Variants in TMPRSS6 observed in about 807,000 individuals in gnomAD.
The protein encoded by TMPRSS6 is transmembrane serine protease 6, also known as transmembrane protease serine 6.
In TMPRSS6, 67 loss-of-function variants were observed where a neutral mutation model predicts 101.5. The ratio of observed to expected loss-of-function variants is 0.66; its 90% confidence interval spans 0.54 to 0.81. TMPRSS6 has a LOEUF of 0.81. TMPRSS6 is among the 30% of genes least tolerant of loss of function. The pLI, the probability that TMPRSS6 is intolerant of heterozygous loss-of-function variation, is 0.00. For missense variants in TMPRSS6, 1,034 were observed against 1,088.7 expected, an observed-to-expected ratio of 0.95 and a Z score of 0.71; for synonymous variants, 453 against 464.9, an observed-to-expected ratio of 0.97 and a Z score of 0.33.
intron 14 of TMPRSS6, 25 bp downstream of exon 14, chr22:37,070,891 G>A: frequency 1.9e-6 from 3 of 1,606,964 alleles, no homozygotes; most frequent in Non-Finnish European, 1.7e-6. Flanking sequence ...AAGCTCCAGG[G>A]CCCCGGCAGC....
At position 37,103,084 on chromosome 22, in the gene TMPRSS6, T is replaced by A; in HGVS notation, c.202+132A>T. 1 of 931,434 alleles carries A rather than the reference T, an allele frequency of 1.1e-6. No individual in the cohort carries two copies. The highest frequency in any genetic ancestry group is 1.7e-6 in the Non-Finnish European group (1 of 594,032). The allele number at this position is 931,434 out of a possible 1,614,324, so 57.7% of individuals were successfully genotyped here. A position where few individuals can be genotyped will look rare whatever the true frequency, so the allele number is the denominator to read the frequency against. ...GGGAGGGAGACCCAGAGAACAGAAG[T>A]GACTTGCCCAAGGTCACACAGCAAT... On this transcript the variant is annotated intron_variant, in intron 2 of 17. Transcript: ENST00000676104. This position sits in a 1 kb window ranked among gnomAD's most constrained non-coding sequence, Gnocchi z 4.4.
chr22:37,085,161 G>C (rs1172805925), intron 8 of TMPRSS6, among the ~76,000 whole-genome samples: 1 of 152,222 alleles, frequency 6.6e-6, no homozygotes, highest in Admixed American at 6.5e-5. Flanking sequence ...ACCTGCACAG[G>C]CCTCACGGTG....
chr22:37,072,453 T>TGATG (rs200830764), intron 13 of TMPRSS6, among the ~76,000 whole-genome samples: 28,829 of 93,472 alleles, frequency 0.31, 5,927 homozygotes, highest in African/African-American at 0.4. Context: ...GATGGATGGA[T>TGATG]GATGGATGGA....
chr22:37,069,105 C>A lies in TMPRSS6; in HGVS notation c.2081G>T (p.Trp694Leu). ...SHFFEPGLHC[W>L]ITGWGALREG... Reference sequence around the variant, plus strand: ...GCGCAAGGCGCCCCAGCCCGTAATCCAGCAGTGCAGGCCGGGCTCGAAGAA... The same window carrying A: ...GCGCAAGGCGCCCCAGCCCGTAATCAAGCAGTGCAGGCCGGGCTCGAAGAA... The change falls in exon 16 of 18, where the codon TGG becomes TTG. Residue 694 changes from tryptophan (W) to leucine (L), a missense_variant. Transcript: ENST00000676104. This position sits in a 1 kb window ranked among gnomAD's most constrained non-coding sequence, Gnocchi z 4.8. 6.4e-7 allele frequency: 1 copy of A among 1,555,954 alleles called. No homozygotes were observed. The highest frequency in any genetic ancestry group is 2.4e-5 in the East Asian group (1 of 41,614).
In TMPRSS6 at chr22:37,101,885, A is replaced by G. The variant is rs898203616; in HGVS notation, c.202+1331T>C. Among the ~76,000 whole-genome samples the G allele has an allele frequency of 2.0e-5, 3 of 152,170 alleles. No homozygotes were observed. Among genetic ancestry groups the G allele is most frequent in the African/African-American group, 7.2e-5 (3 of 41,418 alleles). On this transcript the variant is annotated intron_variant, in intron 2 of 17. Transcript: ENST00000676104. The surrounding 1 kb of genome is among the most constrained non-coding windows in gnomAD (Gnocchi z 4.1). ...GAGGAGGCCCCCACAGCCCTGTGCT[A>G]TCTGGGGCACTGGCTTCCTGCTGGT...
In TMPRSS6 at chr22:37,069,065, C is replaced by G; in HGVS notation, c.2113+8G>C. ...CTCCGCCTCCCGCCGCAAGTCCCCG[C>G]TGCTCACCGCCCTCGCGCAAGGCGC... On this transcript the variant is annotated splice_region_variant and intron_variant, in intron 16 of 17. Transcript: ENST00000676104. The surrounding 1 kb of genome is among the most constrained non-coding windows in gnomAD (Gnocchi z 4.8). 1 of 1,538,800 alleles carries G rather than the reference C, an allele frequency of 6.5e-7. No individual in the cohort carries two copies. The highest frequency in any genetic ancestry group is 8.7e-7 in the Non-Finnish European group (1 of 1,147,940).
intron 10 of TMPRSS6, among the ~76,000 whole-genome samples, chr22:37,076,996 T>C (rs1328292254): frequency 1.3e-5 from 2 of 152,188 alleles, no homozygotes; most frequent in African/African-American, 4.8e-5. Flanking sequence ...TTCTAGAATG[T>C]GGTAAGCACT....
At chr22:37,083,537 C>CCTGT (rs1280978281) in intron 10 of TMPRSS6, among the ~76,000 whole-genome samples, 1 of 152,144 alleles carries the variant, frequency 6.6e-6, no homozygotes, top group Admixed American at 6.5e-5. Context: ...GTCCATACAC[C>CCTGT]CTGTCTCTGT....
intron 3 of TMPRSS6, among the ~76,000 whole-genome samples, chr22:37,097,809 G>T (rs1929924317): frequency 7.8e-6 from 1 of 128,942 alleles, no homozygotes; most frequent in South Asian, 2.5e-4. Context: ...TAACGGAGGG[G>T]CAGGAGCGGC....
chr22:37,106,375 G>T lies in TMPRSS6; in HGVS notation c.-1-2957C>A, dbSNP rs116586457. The stretch of plus-strand genomic sequence containing the variant: ...AGGGGCAGCTCATGGTGGGGTGCTT[G>T]GTGGGCCTCCCCTCCCCTCTCATCC... On this transcript the variant is annotated intron_variant, in intron 1 of 17. Coordinates refer to ENST00000676104, the MANE Select transcript of TMPRSS6 (RefSeq NM_001374504.1). 6.8e-3 allele frequency among the ~76,000 whole-genome samples: 1,040 copies of T among 152,188 alleles called. 7 individuals carry two copies. The highest frequency in any genetic ancestry group is 0.024 in the African/African-American group (988 of 41,510).
At chr22:37,088,601 C>T (rs1928972481) in intron 7 of TMPRSS6, among the ~76,000 whole-genome samples, 1 of 151,974 alleles carries the variant, frequency 6.6e-6, no homozygotes, top group South Asian at 2.1e-4. Flanking sequence ...AGTCCCTCCT[C>T]CCCACCCCCA....
chr22:37,102,802 G>T (rs1034194750), intron 2 of TMPRSS6, among the ~76,000 whole-genome samples: 6 of 152,140 alleles, frequency 3.9e-5, no homozygotes, highest in African/African-American at 1.4e-4. Context: ...ATTGGTACCA[G>T]GTACCATTGG....
Position 37,065,884 on chromosome 22 carries a change from C to T in TMPRSS6, c.*196G>A, listed in dbSNP as rs1926226258. The T allele has an allele frequency of 2.9e-6, 2 of 701,316 alleles. No homozygotes were observed. Among genetic ancestry groups the T allele is most frequent in the Admixed American group, 2.6e-5 (1 of 38,574 alleles). The allele number at this position is 701,316 out of a possible 1,614,324, so 43.4% of individuals were successfully genotyped here. On this transcript the variant is annotated 3_prime_UTR_variant, in exon 18 of 18. Transcript: ENST00000676104. The stretch of plus-strand genomic sequence containing the variant: ...TGGGTCCTCAGGGGACGTCTTGACC[C>T]CCAGCTGCTGGCACTTCTCCATCCT...
chr22:37,106,860 G>A (rs568984859), intron 1 of TMPRSS6, among the ~76,000 whole-genome samples: 1 of 152,188 alleles, frequency 6.6e-6, no homozygotes, highest in Non-Finnish European at 1.5e-5. Context: ...GGACTGTGGG[G>A]AACTCTTACC....
At chr22:37,108,221 G>C (rs905359329) in intron 1 of TMPRSS6, among the ~76,000 whole-genome samples, 1 of 152,154 alleles carries the variant, frequency 6.6e-6, no homozygotes, top group Admixed American at 6.5e-5. Flanking sequence ...GTCAGTGCTT[G>C]TTCACGGCCA....
chr22:37,092,231 C>G (rs560527951), intron 6 of TMPRSS6, among the ~76,000 whole-genome samples: 160 of 152,186 alleles, frequency 1.1e-3, no homozygotes, highest in African/African-American at 3.8e-3. Flanking sequence ...CCTCCCCCAG[C>G]CTTTGCCCCT....
At position 37,070,545 on chromosome 22, in the gene TMPRSS6, C is replaced by G. The variant is rs769083817; in HGVS notation, c.1780G>C (p.Gly594Arg). The change falls in exon 15 of 18, where the codon GGG (glycine) becomes CGG (arginine). Residue 594 changes from glycine (G) to arginine (R), a missense_variant. Physicochemically the swap from Gly to Arg is moderately radical, Grantham distance 125. Coordinates refer to ENST00000676104, the MANE Select transcript of TMPRSS6 (RefSeq NM_001374504.1). ...SLQVRGRHIC[G>R]GALIADRWVI... ...CAGCGGTCAGCGATGAGGGCCCCCC[C>G]ACAGATGTGTCGACCCCGAACCTGG... 1.3e-5 allele frequency: 21 copies of G among 1,613,442 alleles called. No individual in the cohort carries two copies. Among genetic ancestry groups the G allele is most frequent in the Middle Eastern group, 1.6e-4 (1 of 6,062 alleles).
chr22:37,090,547 C>T (rs1342351571), intron 6 of TMPRSS6, among the ~76,000 whole-genome samples: 1 of 152,212 alleles, frequency 6.6e-6, no homozygotes, highest in Non-Finnish European at 1.5e-5. Context: ...GCTTATCAAG[C>T]ATTTGCTACA....
intron 10 of TMPRSS6, among the ~76,000 whole-genome samples, chr22:37,081,999 C>T (rs1928309285): frequency 2.6e-5 from 4 of 152,254 alleles, no homozygotes; most frequent in Admixed American, 2.6e-4. Context: ...TCTGTCATTA[C>T]CCAAGGGTAG....
Sources: gnomAD v4.1 joint callset for allele counts (sites outside exome capture counted in the v4.1 genomes callset) on GRCh38, gnomAD v4.1.1 for gene constraint, Gnocchi (gnomAD v3.1) non-coding constraint, MANE v1.5 for transcripts, NCBI Gene and HGNC (gene_info 2026-07-23, HGNC 2026-07-21) for gene names.